SLCO1B3: variants seen among roughly 807,000 people sequenced by gnomAD.
The protein encoded by SLCO1B3 is liver-specific organic anion transporter 2.
Under a neutral mutation model 71.8 loss-of-function variants are expected in SLCO1B3, and 72 were observed. The ratio of observed to expected loss-of-function variants is 1.00; its 90% CI spans 0.83 to 1.22. The LOEUF is 1.22. Among genes scored for constraint, SLCO1B3 ranks in the 50% most tolerant of loss-of-function variants. The probability of loss-of-function intolerance (pLI) is 0.00; values close to 1 mark genes in which losing one functional copy is unlikely to be tolerated. For synonymous variants in SLCO1B3, 298 were observed against 278.4 expected, an observed-to-expected ratio of 1.07 and a Z score of -0.70; for missense variants, 911 against 819.7, an observed-to-expected ratio of 1.11 and a Z score of -1.36.
At chr12:20,895,565 G>T (rs376221532) in intron 13 of SLCO1B3, among the ~76,000 whole-genome samples, 1 of 152,102 alleles carries the variant, frequency 6.6e-6, no homozygotes, top group Non-Finnish European at 1.5e-5. Flanking sequence ...GTAGGTTCCC[G>T]TAGTCTTGGG....
At chr12:20,843,262 C>G (rs112935819) in intron 3 of SLCO1B3, among the ~76,000 whole-genome samples, 4 of 152,106 alleles carry the variant, frequency 2.6e-5, no homozygotes, top group African/African-American at 9.6e-5. Flanking sequence ...AAGACAATTA[C>G]AAAATTATCA....
chr12:20,855,286 A>C, intron 4 of SLCO1B3, 117 bp downstream of exon 4: 1 of 833,178 alleles, frequency 1.2e-6, no homozygotes, highest in Non-Finnish European at 1.8e-6. Context: ...CTCATGGGCA[A>C]TTTGGCAATA....
At chr12:20,844,007 T>C (rs1045270671) in intron 3 of SLCO1B3, among the ~76,000 whole-genome samples, 1 of 152,042 alleles carries the variant, frequency 6.6e-6, no homozygotes, top group Non-Finnish European at 1.5e-5. Context: ...TGTGCATTTA[T>C]TTTATTTTTT....
intron 13 of SLCO1B3, among the ~76,000 whole-genome samples, chr12:20,886,993 T>C (rs1021184507): frequency 1.3e-5 from 2 of 152,032 alleles, no homozygotes; most frequent in African/African-American, 4.8e-5. Flanking sequence ...TTCTGAATCA[T>C]TTCACTCAGG....
Position 20,916,088 on chromosome 12 carries a change from A to T in SLCO1B3, c.1950A>T (p.Lys650Asn), listed in dbSNP as rs1565612672. ...YIVFIFAMKK[K>N]FQGKDTKASD... ...TTTTCATTTTTGCTATGAAGAAAAA[A>T]TTTCAAGGAAAAGATACCAAGGCAT... Residue 650 changes from lysine to asparagine, a missense_variant, in exon 16 of 16, where the codon AAA becomes AAT. Coordinates refer to ENST00000381545, the MANE Select transcript of SLCO1B3 (RefSeq NM_019844.4). The T allele has an allele frequency of 6.2e-7, 1 of 1,613,338 alleles. No homozygotes were observed. The highest frequency in any genetic ancestry group is 8.5e-7 in the Non-Finnish European group (1 of 1,179,524).
At chr12:20,819,395 C>T (rs926308169) in intron 3 of SLCO1B3, among the ~76,000 whole-genome samples, 3 of 152,092 alleles carry the variant, frequency 2.0e-5, no homozygotes, top group Non-Finnish European at 4.4e-5. Flanking sequence ...CAGTGCAGCC[C>T]AGGTAATTTG....
At chr12:20,912,146 C>G (rs543817591) in intron 15 of SLCO1B3, among the ~76,000 whole-genome samples, 1 of 151,726 alleles carries the variant, frequency 6.6e-6, no homozygotes, top group Non-Finnish European at 1.5e-5. Context: ...CATCTTGACC[C>G]ATATGTTTCT....
At position 20,915,255 on chromosome 12, in the gene SLCO1B3, A is replaced by G. The variant is rs544877271; in HGVS notation, c.1866-749A>G. On this transcript the variant is annotated intron_variant, in intron 15 of 15. Transcript: ENST00000381545. The stretch of plus-strand genomic sequence containing the variant: ...GAGATTGTTTCCTCAGCAGTGCTCT[A>G]TCTAATAATAAATCCATGAAGGCAT... Among the ~76,000 whole-genome samples, 287 of 152,078 alleles carry G rather than the reference A, an allele frequency of 1.9e-3. 1 individual carries two copies. The highest frequency in any genetic ancestry group is 6.6e-3 in the African/African-American group (274 of 41,530).
intron 3 of SLCO1B3, among the ~76,000 whole-genome samples, chr12:20,823,351 A>G (rs149034599): frequency 1.5e-4 from 23 of 152,340 alleles, no homozygotes; most frequent in African/African-American, 5.1e-4. Context: ...GAAAAAATTG[A>G]AAACATTATT....
intron 3 of SLCO1B3, among the ~76,000 whole-genome samples, chr12:20,844,733 TA>T (rs1213577220): frequency 1.3e-5 from 2 of 151,622 alleles, no homozygotes; most frequent in Non-Finnish European, 2.9e-5. Flanking sequence ...TGATTTCAAT[TA>T]AAAAAAATTA....
chr12:20,812,143 G>A (rs1241459382), intron 1 of SLCO1B3, among the ~76,000 whole-genome samples: 3 of 152,010 alleles, frequency 2.0e-5, no homozygotes, highest in Non-Finnish European at 4.4e-5. Context: ...CCAACCTCAG[G>A]TGATCTGCCC....
At position 20,891,807 on chromosome 12, in the gene SLCO1B3, G is replaced by T. The variant is rs548876881; in HGVS notation, c.1683-6629G>T. Among the ~76,000 whole-genome samples the T allele has an allele frequency of 3.6e-4, 55 of 151,978 alleles. No homozygotes were observed. The East Asian group carries it at 8.3e-3, about 23-fold the overall frequency. On this transcript the variant is annotated intron_variant, in intron 13 of 15. Transcript: ENST00000381545. ...TGAAATTGTTTATTCTGCTTGGTCT[G>T]GCTTATTGTTAAAGCTTTCAGAAGT...
chr12:20,909,137 G>A (rs936282594), intron 15 of SLCO1B3, among the ~76,000 whole-genome samples: 1 of 149,612 alleles, frequency 6.7e-6, no homozygotes, highest in Admixed American at 6.7e-5. Context: ...TGATTTCCTT[G>A]ATGACATAAG....
At chr12:20,847,799 TAGAG>T (rs1443036284) in intron 3 of SLCO1B3, among the ~76,000 whole-genome samples, 1 of 150,458 alleles carries the variant, frequency 6.6e-6, no homozygotes, top group African/African-American at 2.5e-5. Context: ...AGAAGGAGAA[TAGAG>T]AGAGAAAAGG....
Position 20,882,880 on chromosome 12 carries a change from A to G in SLCO1B3, c.1498-538A>G, listed in dbSNP as rs909883146. Among the ~76,000 whole-genome samples the G allele has an allele frequency of 8.7e-4, 133 of 152,276 alleles. 1 individual carries two copies. The highest frequency in any genetic ancestry group is 3.1e-3 in the African/African-American group (128 of 41,572). On this transcript the variant is annotated intron_variant, in intron 12 of 15. Coordinates refer to ENST00000381545, the MANE Select transcript of SLCO1B3 (RefSeq NM_019844.4). ...AATATTCCTCTTCTATATTCTAACC[A>G]TTAGCCAGCACATTCTTTTGTGTTA...
At chr12:20,901,587 AC>A in intron 15 of SLCO1B3, 120 bp downstream of exon 15, 1 of 569,116 alleles carries the variant, frequency 1.8e-6, no homozygotes, top group South Asian at 2.3e-5. Flanking sequence ...GTGAACAATT[AC>A]TTTGTATTCA....
chr12:20,812,537 G>A (rs1009557591), intron 1 of SLCO1B3, among the ~76,000 whole-genome samples: 3 of 152,146 alleles, frequency 2.0e-5, no homozygotes, highest in Non-Finnish European at 2.9e-5. Flanking sequence ...CTTTTCTGTT[G>A]GGACAGTGGT....
At chr12:20,854,801 C>T (rs1565590306) in intron 3 of SLCO1B3, among the ~76,000 whole-genome samples, 1 of 152,186 alleles carries the variant, frequency 6.6e-6, no homozygotes, top group Non-Finnish European at 1.5e-5. Flanking sequence ...TAACTATACT[C>T]CTCTAGCAAT....
At chr12:20,904,960 G>T (rs776426892) in intron 15 of SLCO1B3, among the ~76,000 whole-genome samples, 17 of 151,850 alleles carry the variant, frequency 1.1e-4, no homozygotes, top group Non-Finnish European at 1.3e-4. Flanking sequence ...CTTTAGTAGA[G>T]ATGGGGTCTT....
Sources: allele counts gnomAD v4.1 joint callset (sites outside exome capture counted in the v4.1 genomes callset), GRCh38; gene constraint gnomAD v4.1.1; transcripts MANE v1.5; gene names NCBI Gene and HGNC (gene_info 2026-07-23, HGNC 2026-07-21).